Variants in C5 observed in about 807,000 individuals in gnomAD.
C5 encodes the protein C3 and PZP-like alpha-2-macroglobulin domain-containing protein 4.
Under a neutral mutation model 218.8 loss-of-function variants are expected in C5, and 140 were observed. The observed-to-expected ratio is 0.64, with a 90% CI of 0.56 to 0.74. The LOEUF is 0.74. Among genes scored for constraint, C5 ranks in the 30% least tolerant of loss-of-function variants. The pLI, the probability that C5 is intolerant of heterozygous loss-of-function variation, is 0.00. For missense variants in C5, 1,700 were observed against 1,969.6 expected (o/e 0.86, Z 2.59); for synonymous variants, 614 against 682.3 (o/e 0.90, Z 1.56).
the C5 span, among the ~76,000 whole-genome samples, chr9:121,069,995 G>A: frequency 6.6e-6 from 1 of 152,148 alleles, no homozygotes; most frequent in Non-Finnish European, 1.5e-5. Flanking sequence ...GCATCCCCAT[G>A]TTTATTGCAG....
the C5 span, among the ~76,000 whole-genome samples, chr9:121,057,704 G>A: frequency 6.6e-6 from 1 of 151,998 alleles, no homozygotes; most frequent in African/African-American, 2.4e-5. Context: ...AGATGGGAAG[G>A]AAGAAAGGAA....
rs1328710610 is a variant in C5, at chr9:121,002,256, ATATATG to A, written c.2562+3657_2562+3662del. On this transcript the variant is annotated intron_variant, in intron 20 of 40. Coordinates refer to ENST00000223642, the MANE Select transcript of C5 (RefSeq NM_001735.3). ...TATATATGTATATGTATATATATGTATATATGTATATATATGTATATATACGTATAT... is the reference window on the plus strand; with the variant it reads ...TATATATGTATATGTATATATATGTATATATATATGTATATATACGTATAT... 1.8e-3 allele frequency among the ~76,000 whole-genome samples: 181 copies of A among 98,738 alleles called. 1 individual carries two copies. Among genetic ancestry groups the A allele is most frequent in the African/African-American group, 9.8e-3 (171 of 17,378 alleles). 64.8% of individuals were successfully genotyped at this position (98,738 alleles called of 152,430 possible). A position where few individuals can be genotyped will look rare whatever the true frequency, so the allele number is the denominator to read the frequency against.
In C5 at chr9:121,046,206, G is replaced by C; in HGVS notation, c.243C>G (p.Asn81Lys). 1 of 1,584,268 alleles carries C rather than the reference G, an allele frequency of 6.3e-7. No homozygotes were observed. ...VHLSSENKFQNSAILTIQPKQ... is the reference protein window; with the variant it reads ...VHLSSENKFQKSAILTIQPKQ... ...AAATACATACTGTTAAGATTGCAGAGTTTTGGAATTTATTCTCTGAGGATA... is the reference window on the plus strand; with the variant it reads ...AAATACATACTGTTAAGATTGCAGACTTTTGGAATTTATTCTCTGAGGATA... Residue 81 changes from asparagine (N) to lysine (K), a missense_variant, in exon 2 of 41, where the codon AAC becomes AAG. Coordinates refer to ENST00000223642, the MANE Select transcript of C5 (RefSeq NM_001735.3).
intron 25 of C5, among the ~76,000 whole-genome samples, chr9:120,986,798 G>A (rs2047036378): frequency 6.6e-6 from 1 of 151,984 alleles, no homozygotes; most frequent in African/African-American, 2.4e-5. Flanking sequence ...TTAAAGACAG[G>A]GTCTCCCTAT....
At chr9:121,030,628 G>A (rs3815467) in intron 6 of C5, 141 bp from the exon 7 acceptor site, 105,064 of 582,540 alleles carry the variant, frequency 0.18, 10,309 homozygotes, top group African/African-American at 0.29. Flanking sequence ...AATCATCATC[G>A]TCATCATCGT....
the C5 span, among the ~76,000 whole-genome samples, chr9:121,073,258 T>C: frequency 2.6e-5 from 4 of 152,214 alleles, no homozygotes; most frequent in Non-Finnish European, 5.9e-5. Flanking sequence ...TTACTTAACA[T>C]TCAGCACATT....
In C5 at chr9:121,031,615, G is replaced by A. The variant is rs372963334; in HGVS notation, c.667+498C>T. The stretch of plus-strand genomic sequence containing the variant: ...CTTGATCAGGGTTAAAGGCATGCTG[G>A]AACTAGAATCTAGGCATTCAACTAC... On this transcript the variant is annotated intron_variant, in intron 6 of 40. Coordinates refer to ENST00000223642, the MANE Select transcript of C5 (RefSeq NM_001735.3). Among the ~76,000 whole-genome samples, 32 of 152,218 alleles carry A rather than the reference G, an allele frequency of 2.1e-4. No individual in the cohort carries two copies. The East Asian group carries it at 3.7e-3, about 17-fold the overall frequency.
At chr9:120,978,652 C>T (rs534666342) in intron 28 of C5, among the ~76,000 whole-genome samples, 3 of 152,270 alleles carry the variant, frequency 2.0e-5, no homozygotes, top group South Asian at 4.1e-4. Flanking sequence ...AAAGCCTTAG[C>T]TAGAAGAGGA....
chr9:121,029,538 GA>G (rs2047455673), intron 7 of C5, among the ~76,000 whole-genome samples: 1 of 152,152 alleles, frequency 6.6e-6, no homozygotes, highest in Non-Finnish European at 1.5e-5. Context: ...TAGTTATATA[GA>G]TTGGTATAAC....
chr9:121,021,294 C>T (rs2047363182), intron 11 of C5, among the ~76,000 whole-genome samples: 1 of 152,142 alleles, frequency 6.6e-6, no homozygotes, highest in South Asian at 2.1e-4. Flanking sequence ...AAACAATTAA[C>T]TCCCAAATAA....
At chr9:120,991,159 ATG>A (rs2047074076) in intron 23 of C5, 30 bp downstream of exon 23, 1 of 1,234,626 alleles carries the variant, frequency 8.1e-7, no homozygotes, top group Admixed American at 1.7e-5. Flanking sequence ...ACCAAGTGAA[ATG>A]AGAAATAAAA....
rs775182736 is a variant in C5 at position 121,034,885 on chromosome 9, C to T, written c.502G>A (p.Gly168Arg). ...ETVLTFIDPE[G>R]SEVDMVEEID... ...TCTTCTACCATGTCAACTTCTGATC[C>T]TTCAGGATCCTGTAAATAAAAACAA... Residue 168 changes from glycine (G) to arginine (R), a missense_variant, in exon 5 of 41, where the codon GGA (glycine) becomes AGA (arginine). Physicochemically the swap from Gly to Arg is moderately radical, Grantham distance 125 (BLOSUM62 -2). Transcript: ENST00000223642. The T allele has an allele frequency of 2.5e-6, 4 of 1,572,542 alleles. No homozygotes were observed. In the Admixed American group the frequency reaches 6.7e-5, roughly 26 times the overall value.
chr9:120,960,429 A>G (rs1238480533), intron 37 of C5, 92 bp from the exon 38 acceptor site: 1 of 817,392 alleles, frequency 1.2e-6, no homozygotes, highest in Non-Finnish European at 2.1e-6. Context: ...GAGCCCAGAG[A>G]CAACCCAATA....
chr9:121,014,071 C>G lies in C5; in HGVS notation c.2060-1G>C. 2 of 1,613,442 alleles carry G rather than the reference C, an allele frequency of 1.2e-6. No individual in the cohort carries two copies. The highest frequency in any genetic ancestry group is 1.7e-6 in the Non-Finnish European group (2 of 1,179,462). On this transcript the variant is annotated splice_acceptor_variant, in intron 16 of 40. Transcript: ENST00000223642. LOFTEE classifies it high-confidence loss of function. ...ACTACTGAATGTTTATATTTAGCAG[C>G]TGAAATGGTAATAATGCAAGTGCTC...
intron 33 of C5, among the ~76,000 whole-genome samples, chr9:120,965,553 TAAATA>T (rs1020480369): frequency 6.8e-6 from 1 of 146,178 alleles, no homozygotes; most frequent in African/African-American, 2.7e-5. Context: ...AATAAATAAA[TAAATA>T]AATAAAAGCA....
chr9:121,024,517 A>G (rs2047402652), intron 9 of C5, among the ~76,000 whole-genome samples: 1 of 152,112 alleles, frequency 6.6e-6, no homozygotes, highest in Non-Finnish European at 1.5e-5. Context: ...AATACATTCT[A>G]TACATATCCT....
At chr9:121,015,788 A>T (rs2047301976) in intron 15 of C5, among the ~76,000 whole-genome samples, 2 of 152,328 alleles carry the variant, frequency 1.3e-5, no homozygotes, top group South Asian at 2.1e-4. Flanking sequence ...CTGTTCTATA[A>T]CTTGTAAATA....
At chr9:121,025,896 G>T in intron 8 of C5, 1 of 233,684 alleles carries the variant, frequency 4.3e-6, no homozygotes, top group Non-Finnish European at 8.5e-6. Flanking sequence ...GCGTACTTCC[G>T]CCCTTAACTG....
the C5 span, among the ~76,000 whole-genome samples, chr9:121,065,427 T>A: frequency 6.6e-6 from 1 of 152,340 alleles, no homozygotes; most frequent in South Asian, 2.1e-4. Flanking sequence ...GGCTTTTACC[T>A]TATACTTCAC....
Sources: gnomAD v4.1 joint callset for allele counts (sites outside exome capture counted in the v4.1 genomes callset) on GRCh38, gnomAD v4.1.1 for gene constraint, MANE v1.5 for transcripts, NCBI Gene and HGNC (gene_info 2026-07-23, HGNC 2026-07-21) for gene names.